The following MYO1H variants were observed in gnomAD, a reference collection of about 807,000 sequenced individuals.
The protein encoded by MYO1H is unconventional myosin-Ih.
In MYO1H, 118 loss-of-function variants were observed where a neutral mutation model predicts 149.3. That is an observed-to-expected ratio of 0.79 (90% confidence interval 0.68 to 0.92). The LOEUF is 0.92. Among genes scored for constraint, MYO1H ranks in the 40% least tolerant of loss-of-function variants. MYO1H has a pLI of 0.00. For synonymous variants in MYO1H, 447 were observed against 465.2 expected, an observed-to-expected ratio of 0.96 and a Z score of 0.50; for missense variants, 1,212 against 1,280.7, an observed-to-expected ratio of 0.95 and a Z score of 0.82.
At chr12:109,350,872 CA>C (rs1255083355) in intron 1 of MYO1H, among the ~76,000 whole-genome samples, 1 of 152,170 alleles carries the variant, frequency 6.6e-6, no homozygotes, top group African/African-American at 2.4e-5. Context: ...AAATATCCCT[CA>C]ATCGTTACAT....
chr12:109,353,104 A>G (rs1868497802), intron 1 of MYO1H, among the ~76,000 whole-genome samples: 1 of 152,120 alleles, frequency 6.6e-6, no homozygotes, highest in Non-Finnish European at 1.5e-5. Flanking sequence ...CATAAACAAT[A>G]TTATTGTGAG....
intron 19 of MYO1H, among the ~76,000 whole-genome samples, chr12:109,429,612 G>A (rs976862183): frequency 6.6e-5 from 10 of 152,136 alleles, no homozygotes; most frequent in Admixed American, 2.0e-4. Context: ...TTGAACATCC[G>A]TGGATTTTGT....
chr12:109,345,199 A>G (rs1007370156), upstream of MYO1H, among the ~76,000 whole-genome samples: 1 of 152,208 alleles, frequency 6.6e-6, no homozygotes, highest in African/African-American at 2.4e-5. Flanking sequence ...TGCAAATCAT[A>G]TACAGTGTCA....
At chr12:109,318,059 A>C in the MYO1H span, among the ~76,000 whole-genome samples, 1 of 152,248 alleles carries the variant, frequency 6.6e-6, no homozygotes, top group Non-Finnish European at 1.5e-5. Flanking sequence ...CGTACATTAA[A>C]GTATCGAACA....
intron 5 of MYO1H, among the ~76,000 whole-genome samples, chr12:109,400,644 T>C (rs1331286970): frequency 2.6e-5 from 4 of 152,122 alleles, no homozygotes; most frequent in African/African-American, 4.8e-5. Context: ...AAGAAGACAA[T>C]GGATCAGAAT....
At chr12:109,349,487 A>ACCC (rs1274262705) in intron 1 of MYO1H, among the ~76,000 whole-genome samples, 16 of 101,670 alleles carry the variant, frequency 1.6e-4, no homozygotes, top group African/African-American at 7.1e-4. Context: ...ACATAGTGTG[A>ACCC]CCCCCCCACC....
intron 27 of MYO1H, 119 bp from the exon 28 acceptor site, chr12:109,443,394 AT>A: frequency 1.3e-5 from 13 of 982,628 alleles, no homozygotes; most frequent in African/African-American, 3.5e-5. Flanking sequence ...ACACACACAC[AT>A]ACACGCAAAA....
At chr12:109,416,963 C>T (rs373826430) in intron 15 of MYO1H, among the ~76,000 whole-genome samples, 314 of 146,978 alleles carry the variant, frequency 2.1e-3, no homozygotes, top group African/African-American at 7.3e-3. Flanking sequence ...GTTGAGATCG[C>T]GCCATTGCAC....
At chr12:109,345,822 A>T (rs942706115), upstream of MYO1H, among the ~76,000 whole-genome samples, 3 of 152,228 alleles carry the variant, frequency 2.0e-5, no homozygotes, top group Non-Finnish European at 4.4e-5. Flanking sequence ...TTGAAGACAC[A>T]ATGCTAAGTG....
intron 1 of MYO1H, among the ~76,000 whole-genome samples, chr12:109,369,689 C>T (rs1868942035): frequency 6.6e-6 from 1 of 152,296 alleles, no homozygotes; most frequent in South Asian, 2.1e-4. Flanking sequence ...TCTGGGATTG[C>T]AAATTGATGT....
intron 1 of MYO1H, among the ~76,000 whole-genome samples, chr12:109,386,617 G>T (rs1243332161): frequency 1.3e-5 from 2 of 152,148 alleles, no homozygotes; most frequent in Admixed American, 1.3e-4. Flanking sequence ...TTTTCTATGT[G>T]TGTATTGCCA....
the MYO1H span, among the ~76,000 whole-genome samples, chr12:109,321,261 G>A: frequency 2.2e-4 from 33 of 152,014 alleles, no homozygotes; most frequent in Non-Finnish European, 2.2e-4. Context: ...AATACAAATG[G>A]AAATACTGAG....
intron 15 of MYO1H, among the ~76,000 whole-genome samples, chr12:109,417,027 C>A (rs897707139): frequency 2.0e-5 from 3 of 151,166 alleles, no homozygotes; most frequent in African/African-American, 7.3e-5. Context: ...AAAAATTAGC[C>A]GGTCGTGGTG....
At chr12:109,432,126 C>T (rs1208009880) in intron 19 of MYO1H, among the ~76,000 whole-genome samples, 1 of 151,426 alleles carries the variant, frequency 6.6e-6, no homozygotes, top group Non-Finnish European at 1.5e-5. Context: ...CTCAGCCTCC[C>T]CAGTAGCTGG....
chr12:109,315,385 A>G, the MYO1H span, among the ~76,000 whole-genome samples: 1 of 152,146 alleles, frequency 6.6e-6, no homozygotes, highest in African/African-American at 2.4e-5. Flanking sequence ...CTGGGTCTAC[A>G]TTATTAGACT....
chr12:109,385,362 A>G (rs1435228085), intron 1 of MYO1H, among the ~76,000 whole-genome samples: 1 of 150,100 alleles, frequency 6.7e-6, no homozygotes, highest in African/African-American at 2.5e-5. Context: ...CAGTGCAATC[A>G]TGGCTCATTG....
At chr12:109,366,276 GT>G (rs1445460969) in intron 1 of MYO1H, among the ~76,000 whole-genome samples, 5 of 152,250 alleles carry the variant, frequency 3.3e-5, no homozygotes, top group Admixed American at 3.3e-4. Context: ...GTGTACCAAT[GT>G]CCCATTAACT....
chr12:109,351,763 TG>T (rs1276814520), intron 1 of MYO1H, among the ~76,000 whole-genome samples: 2 of 152,230 alleles, frequency 1.3e-5, no homozygotes, highest in African/African-American at 4.8e-5. Context: ...TGTCATCATT[TG>T]CTTCTTAAGC....
At chr12:109,317,027 C>A in the MYO1H span, among the ~76,000 whole-genome samples, 1 of 152,210 alleles carries the variant, frequency 6.6e-6, no homozygotes, top group Non-Finnish European at 1.5e-5. Flanking sequence ...ACCATACCTG[C>A]AGATTCACTA....
Sources: gnomAD v4.1 joint callset for allele counts (sites outside exome capture counted in the v4.1 genomes callset) on GRCh38, gnomAD v4.1.1 for gene constraint, MANE v1.5 for transcripts, NCBI Gene and HGNC (gene_info 2026-07-23, HGNC 2026-07-21) for gene names.